Variants in MYO1E observed in about 807,000 individuals in gnomAD.
The protein encoded by MYO1E is unconventional myosin-Ie.
MYO1E carries 68 observed loss-of-function variants against 151.1 expected under a neutral mutation model. The ratio of observed to expected loss-of-function variants is 0.45; its 90% CI spans 0.37 to 0.55. The LOEUF is 0.55. Ranked by LOEUF, MYO1E falls within the 20% of genes least tolerant of loss-of-function variation. The probability of loss-of-function intolerance (pLI) is 0.00; values close to 1 mark genes in which losing one functional copy is unlikely to be tolerated. For synonymous variants in MYO1E, 601 were observed against 501.7 expected (o/e 1.20, Z -2.64); for missense variants, 1,363 against 1,389.3 (o/e 0.98, Z 0.30).
chr15:59,177,092 A>G (rs1410830365), intron 19 of MYO1E, among the ~76,000 whole-genome samples: 2 of 152,238 alleles, frequency 1.3e-5, no homozygotes, highest in Non-Finnish European at 2.9e-5. Flanking sequence ...GGAGTTCTGC[A>G]TTGTACCGAT....
chr15:59,231,264 C>T (rs1239179757), intron 6 of MYO1E, among the ~76,000 whole-genome samples: 2 of 152,188 alleles, frequency 1.3e-5, no homozygotes, highest in East Asian at 3.8e-4. Context: ...TCCAAGGTGC[C>T]AGATCAGTCT....
chr15:59,256,783 C>G (rs1330864890), intron 3 of MYO1E, among the ~76,000 whole-genome samples: 13 of 152,176 alleles, frequency 8.5e-5, no homozygotes, highest in Non-Finnish European at 1.5e-4. Context: ...TGCCAAACAC[C>G]TAGATCTGAC....
intron 11 of MYO1E, among the ~76,000 whole-genome samples, 155 bp from the exon 12 acceptor site, chr15:59,214,469 TG>T (rs1289803468): frequency 6.6e-6 from 1 of 152,230 alleles, no homozygotes; most frequent in Non-Finnish European, 1.5e-5. Flanking sequence ...GAAACTAATT[TG>T]GTAAAGGCAC....
At chr15:59,211,994 CATCAT>C (rs1433169131) in intron 12 of MYO1E, among the ~76,000 whole-genome samples, 1 of 152,102 alleles carries the variant, frequency 6.6e-6, no homozygotes, top group African/African-American at 2.4e-5. Context: ...CAACAAATCA[CATCAT>C]GTCACTCCTC....
intron 4 of MYO1E, among the ~76,000 whole-genome samples, chr15:59,238,117 C>G (rs1164397720): frequency 2.0e-5 from 3 of 152,134 alleles, no homozygotes; most frequent in Non-Finnish European, 4.4e-5. Flanking sequence ...AAGCCTGGGA[C>G]GAGGTGTCAC....
chr15:59,340,308 C>A (rs1432272014), intron 1 of MYO1E, among the ~76,000 whole-genome samples: 1 of 150,602 alleles, frequency 6.6e-6, no homozygotes, highest in African/African-American at 2.4e-5. Context: ...CACCTTGTCT[C>A]AAAAAAAATA....
intron 16 of MYO1E, among the ~76,000 whole-genome samples, chr15:59,196,777 C>G (rs75002890): frequency 0.018 from 2,709 of 152,166 alleles, 95 homozygotes; most frequent in African/African-American, 0.061. Flanking sequence ...AAGCAAAGCC[C>G]TATGATGAAA....
intron 16 of MYO1E, among the ~76,000 whole-genome samples, chr15:59,200,531 G>A (rs1199449834): frequency 6.6e-6 from 1 of 152,102 alleles, no homozygotes; most frequent in Admixed American, 6.6e-5. Flanking sequence ...GCTTGTGCCT[G>A]TAATCCTAGC....
At chr15:59,216,594 GTATCTATCTATC>G (rs1290267352) in intron 10 of MYO1E, among the ~76,000 whole-genome samples, 1 of 100,468 alleles carries the variant, frequency 1.0e-5, no homozygotes, top group African/African-American at 3.7e-5. Flanking sequence ...GTGTGTGTGT[GTATCTATCTATC>G]TATCTATCTA....
At chr15:59,208,065 T>A in intron 14 of MYO1E, 1 of 1,583,842 alleles carries the variant, frequency 6.3e-7, no homozygotes, top group South Asian at 1.2e-5. Flanking sequence ...TCTGGGAAAT[T>A]CAGAATAAGC....
intron 2 of MYO1E, among the ~76,000 whole-genome samples, chr15:59,267,986 G>A (rs1195732041): frequency 6.6e-6 from 1 of 151,962 alleles, no homozygotes; most frequent in Non-Finnish European, 1.5e-5. Flanking sequence ...ACAATCGATC[G>A]CCCCAAATGC....
intron 1 of MYO1E, among the ~76,000 whole-genome samples, chr15:59,326,276 T>G (rs2080663646): frequency 6.6e-6 from 1 of 151,912 alleles, no homozygotes; most frequent in Non-Finnish European, 1.5e-5. Context: ...TTCCAGCACT[T>G]TGGGAGGCCG....
chr15:59,284,645 T>C (rs2080376833), intron 1 of MYO1E, among the ~76,000 whole-genome samples: 3 of 151,256 alleles, frequency 2.0e-5, no homozygotes, highest in African/African-American at 7.3e-5. Context: ...AAAAAAATTT[T>C]TTTTTTTTTT....
chr15:59,319,983 C>T (rs571365763), intron 1 of MYO1E, among the ~76,000 whole-genome samples: 17 of 152,188 alleles, frequency 1.1e-4, no homozygotes, highest in South Asian at 1.0e-3. Flanking sequence ...GTGAAGTTCA[C>T]GATACAATAT....
chr15:59,371,969 C>A (rs1390370079), intron 1 of MYO1E, among the ~76,000 whole-genome samples: 1 of 149,798 alleles, frequency 6.7e-6, no homozygotes, highest in Non-Finnish European at 1.5e-5. Flanking sequence ...ACCGCCCCCG[C>A]CCGCGTGCCG....
chr15:59,359,326 A>ATT (rs373414121), intron 1 of MYO1E, among the ~76,000 whole-genome samples: 20 of 136,492 alleles, frequency 1.5e-4, no homozygotes, highest in South Asian at 1.3e-3. Context: ...ATATATATAT[A>ATT]TTTTTTTTTT....
rs796473008 is a variant in MYO1E, at chr15:59,323,980, G to GA, written c.3+48517dup. Reference sequence around the variant, plus strand: ...ATGGTGAGAAAGCCACCAAAGGCAGGAAAAAAAAAAACAAAAACGGAATCC... The same window carrying GA: ...ATGGTGAGAAAGCCACCAAAGGCAGGAAAAAAAAAAAACAAAAACGGAATCC... On this transcript the variant is annotated intron_variant, in intron 1 of 27. Coordinates refer to ENST00000288235, the MANE Select transcript of MYO1E (RefSeq NM_004998.4). Among the ~76,000 whole-genome samples, 512 of 144,158 alleles carry GA rather than the reference G, an allele frequency of 3.6e-3. 3 individuals are homozygous for GA. Among genetic ancestry groups the GA allele is most frequent in the Non-Finnish European group, 4.7e-3 (308 of 65,410 alleles). 94.6% of individuals were successfully genotyped at this position (144,158 alleles called of 152,430 possible).
intron 5 of MYO1E, among the ~76,000 whole-genome samples, chr15:59,232,803 T>G (rs539856842): frequency 6.6e-6 from 1 of 152,060 alleles, no homozygotes; most frequent in East Asian, 1.9e-4. Context: ...CAAAGAGGAG[T>G]AAATTAATGA....
At chr15:59,327,272 G>A (rs1432173427) in intron 1 of MYO1E, among the ~76,000 whole-genome samples, 2 of 151,918 alleles carry the variant, frequency 1.3e-5, no homozygotes, top group Non-Finnish European at 2.9e-5. Flanking sequence ...TAGCCTTGAT[G>A]CCTGCTTACA....
Sources: gnomAD v4.1 joint callset for allele counts (sites outside exome capture counted in the v4.1 genomes callset) on GRCh38, gnomAD v4.1.1 for gene constraint, MANE v1.5 for transcripts, NCBI Gene and HGNC (gene_info 2026-07-23, HGNC 2026-07-21) for gene names.